The following IRAG2 variants were observed in gnomAD, a reference collection of about 807,000 sequenced individuals.
IRAG2 encodes lymphoid restricted membrane protein.
Under a neutral mutation model 69.9 loss-of-function variants are expected in IRAG2, and 45 were observed. The observed-to-expected ratio is 0.64, with a 90% CI of 0.51 to 0.83. The LOEUF (loss-of-function observed/expected upper bound fraction) is 0.83, where lower values mean the gene tolerates loss of function less well. Ranked by LOEUF, IRAG2 falls within the 40% of genes least tolerant of loss-of-function variation. The probability of loss-of-function intolerance (pLI) is 0.00; values close to 1 mark genes in which losing one functional copy is unlikely to be tolerated. For missense variants in IRAG2, 520 were observed against 587.0 expected, an observed-to-expected ratio of 0.89 and a Z score of 1.18; for synonymous variants, 193 against 202.4, an observed-to-expected ratio of 0.95 and a Z score of 0.40.
chr12:25,030,528 AG>A (rs1213118233), intron 10 of IRAG2, among the ~76,000 whole-genome samples: 2 of 152,114 alleles, frequency 1.3e-5, no homozygotes, highest in Non-Finnish European at 2.9e-5. Context: ...CTGGGATTAC[AG>A]GTGTTTTGCC....
chr12:25,076,294 A>T, intron 6 of IRAG2: 1 of 509,698 alleles, frequency 2.0e-6, no homozygotes, highest in Non-Finnish European at 2.5e-6. Flanking sequence ...TACTAAACAT[A>T]GGCAATTTCT....
rs374121895 is a variant in IRAG2, at chr12:25,083,508, A to G, written c.315+15A>G. 256 of 1,521,136 alleles carry G rather than the reference A, an allele frequency of 1.7e-4. No homozygotes were observed. The highest frequency in any genetic ancestry group is 1.1e-3 in the Admixed American group (64 of 59,546). 94.2% of individuals were successfully genotyped at this position (1,521,136 alleles called of 1,614,324 possible). ...TATTAAATCTGGTAAGGAAATACGT[A>G]TGTTCACAACAAAGGTGGTGGTATC... On this transcript the variant is annotated intron_variant, in intron 10 of 21. Coordinates refer to ENST00000556887, the MANE Select transcript of IRAG2 (RefSeq NM_001366544.2).
intron 15 of IRAG2, among the ~76,000 whole-genome samples, chr12:25,099,266 G>T (rs189368654): frequency 1.3e-5 from 2 of 152,144 alleles, no homozygotes; most frequent in Admixed American, 1.3e-4. Context: ...GACTGTTCAT[G>T]GTCCCCCCAC....
chr12:25,015,527 C>A, intron 5 of IRAG2: 1 of 741,502 alleles, frequency 1.3e-6, no homozygotes, highest in Non-Finnish European at 1.8e-6. Context: ...TCACTTTGCT[C>A]TTTTTTTGCA....
At chr12:25,023,885 G>A (rs1381645386) in exon 8 of IRAG2, 2 of 1,227,692 alleles carry the variant, frequency 1.6e-6, no homozygotes, top group African/African-American at 3.1e-5. Context: ...CAGAAAACCG[G>A]GCTCTGATTC....
chr12:25,074,826 C>T (rs776002024), intron 6 of IRAG2, among the ~76,000 whole-genome samples: 1 of 152,324 alleles, frequency 6.6e-6, no homozygotes, highest in East Asian at 1.9e-4. Flanking sequence ...TTATTACATG[C>T]TTTTGTCTAA....
At chr12:25,080,325 A>G (rs182250209) in intron 9 of IRAG2, among the ~76,000 whole-genome samples, 4 of 151,772 alleles carry the variant, frequency 2.6e-5, no homozygotes, top group African/African-American at 7.3e-5. Flanking sequence ...AAAAAAATCA[A>G]TCAAGGAAAA....
chr12:25,039,296 G>A (rs1439564549), intron 16 of IRAG2, among the ~76,000 whole-genome samples: 2 of 152,170 alleles, frequency 1.3e-5, no homozygotes, highest in African/African-American at 4.8e-5. Context: ...GAATACCAGA[G>A]GAACTCTCAA....
chr12:25,041,955 CTGTGTGTGTGTGTGTGTGTGTG>C (rs59225610), intron 16 of IRAG2, among the ~76,000 whole-genome samples: 4 of 148,462 alleles, frequency 2.7e-5, no homozygotes, highest in East Asian at 2.0e-4. Context: ...TTTGTTTCAG[CTGTGTGTGTGTGTGTGTGTGTG>C]TGTGTGTGTG....
intron 6 of IRAG2, among the ~76,000 whole-genome samples, chr12:25,074,507 G>A (rs75525424): frequency 0.015 from 2,216 of 152,232 alleles, 49 homozygotes; most frequent in African/African-American, 0.05. Context: ...AGTTCTTTTG[G>A]TTTGTTGTCC....
chr12:25,102,445 A>G lies in IRAG2; in HGVS notation c.933+204A>G, dbSNP rs193180178. The G allele has an allele frequency of 6.5e-5, 36 of 556,804 alleles. No homozygotes were observed. In the African/African-American group the frequency reaches 6.8e-4, roughly 11 times the overall value. 34.5% of individuals were successfully genotyped at this position (556,804 alleles called of 1,614,324 possible). On this transcript the variant is annotated intron_variant, in intron 17 of 21. Transcript: ENST00000556887. ...TGTGCCTGGCAGCATGAAGAAAGTCAGTACAACAATGGTTTCTCTCTGTTG... is the reference window on the plus strand; with the variant it reads ...TGTGCCTGGCAGCATGAAGAAAGTCGGTACAACAATGGTTTCTCTCTGTTG...
chr12:25,066,665 CT>C (rs781555051), intron 5 of IRAG2, among the ~76,000 whole-genome samples, 153 bp downstream of exon 5: 303 of 141,948 alleles, frequency 2.1e-3, no homozygotes, highest in Middle Eastern at 3.7e-3. Context: ...TTCTTTCTTT[CT>C]TTTTTTTTTT....
At chr12:25,058,659 C>T (rs2139944346) in intron 1 of IRAG2, among the ~76,000 whole-genome samples, 1 of 152,282 alleles carries the variant, frequency 6.6e-6, no homozygotes, top group Middle Eastern at 3.4e-3. Flanking sequence ...TCATTTTCAA[C>T]AGGCAATTAA....
chr12:25,101,219 C>A lies in IRAG2; in HGVS notation c.783C>A (p.His261Gln). ...VSKAVEVMIQ[H>Q]VENLKRMYAK... ...AAGCAGTTGAAGTGATGATTCAGCA[C>A]GTAGAAAACTTGAAGAGGATGTATG... The change falls in exon 16 of 22, where the codon CAC becomes CAA. Residue 261 changes from histidine to glutamine, a missense_variant. Coordinates refer to ENST00000556887, the MANE Select transcript of IRAG2 (RefSeq NM_001366544.2). The A allele has an allele frequency of 6.2e-7, 1 of 1,611,742 alleles. No individual in the cohort carries two copies. Among genetic ancestry groups the A allele is most frequent in the Non-Finnish European group, 8.5e-7 (1 of 1,178,740 alleles).
Position 25,097,000 on chromosome 12 carries a change from G to T in IRAG2, c.697G>T (p.Ala233Ser). 1 of 1,613,528 alleles carries T rather than the reference G, an allele frequency of 6.2e-7. No homozygotes were observed. Among genetic ancestry groups the T allele is most frequent in the Admixed American group, 1.7e-5 (1 of 59,926 alleles). ...KSIKFLSQCA[A>S]RVASRAEMLG... ...TATAAAGTTTCTTAGCCAGTGTGCA[G>T]CACGAGTGGCCAGTAGGGCTGAGAT... is the stretch of plus-strand genomic sequence containing the variant. Residue 233 changes from alanine to serine, a missense_variant, in exon 15 of 22, where the codon GCA (alanine) becomes TCA (serine). Coordinates refer to ENST00000556887, the MANE Select transcript of IRAG2 (RefSeq NM_001366544.2).
At position 25,090,072 on chromosome 12, in the gene IRAG2, T is replaced by C; in HGVS notation, c.481T>C (p.Leu161=). The stretch of plus-strand genomic sequence containing the variant: ...TTGACAACAGGCAGAATTTCTCAGA[T>C]TATCTTTGGGATTTAAGTGTGACTG... ...EKEVEAEFLR[L]SLGFKCDWFT... The change falls in exon 14 of 22, where the codon TTA becomes CTA. Residue 161 remains leucine, a synonymous_variant. Coordinates refer to ENST00000556887, the MANE Select transcript of IRAG2 (RefSeq NM_001366544.2). 1 of 1,613,856 alleles carries C rather than the reference T, an allele frequency of 6.2e-7. No individual in the cohort carries two copies. The highest frequency in any genetic ancestry group is 8.5e-7 in the Non-Finnish European group (1 of 1,179,916).
intron 6 of IRAG2, among the ~76,000 whole-genome samples, chr12:25,076,841 C>G (rs1946718361): frequency 6.6e-6 from 1 of 151,662 alleles, no homozygotes; most frequent in Non-Finnish European, 1.5e-5. Context: ...TAATTTTCTC[C>G]TTTTTTTATA....
chr12:25,101,348 G>A (rs749125542), intron 16 of IRAG2, 23 bp downstream of exon 16: 1 of 1,517,594 alleles, frequency 6.6e-7, no homozygotes, highest in Non-Finnish European at 8.9e-7. Context: ...TATGATAATA[G>A]TATTAGTTGT....
chr12:25,040,785 G>A (rs933696148), intron 16 of IRAG2, among the ~76,000 whole-genome samples: 1 of 152,138 alleles, frequency 6.6e-6, no homozygotes, highest in East Asian at 1.9e-4. Flanking sequence ...TGATTCGTAC[G>A]ACATCCGTCA....
Sources: gnomAD v4.1 joint callset for allele counts (sites outside exome capture counted in the v4.1 genomes callset) on GRCh38, gnomAD v4.1.1 for gene constraint, MANE v1.5 for transcripts, NCBI Gene and HGNC (gene_info 2026-07-23, HGNC 2026-07-21) for gene names.